Variants in NCALD observed in about 807,000 individuals in gnomAD.
The protein encoded by NCALD is neurocalcin-delta.
NCALD carries 10 observed loss-of-function variants against 18.6 expected under a neutral mutation model. The observed-to-expected ratio is 0.54, with a 90% CI of 0.33 to 0.91. The LOEUF is 0.91. NCALD is among the 40% of genes least tolerant of loss of function. The pLI is 0.03. For missense variants in NCALD, 184 were observed against 247.6 expected (o/e 0.74, Z 1.72); for synonymous variants, 88 against 87.4 (o/e 1.01, Z -0.04).
chr8:101,963,687 A>T (rs1819917612), intron 2 of NCALD, among the ~76,000 whole-genome samples: 1 of 152,182 alleles, frequency 6.6e-6, no homozygotes, highest in African/African-American at 2.4e-5. Flanking sequence ...CCTACAACTG[A>T]AAAACAAACC....
At chr8:101,706,268 G>C (rs928843928) in intron 2 of NCALD, among the ~76,000 whole-genome samples, 1 of 151,882 alleles carries the variant, frequency 6.6e-6, no homozygotes, top group Non-Finnish European at 1.5e-5. Context: ...TGGTGGAGGA[G>C]TGCCAAAGAT....
chr8:101,917,066 A>T (rs2131630049), intron 2 of NCALD, among the ~76,000 whole-genome samples: 1 of 152,242 alleles, frequency 6.6e-6, no homozygotes, highest in Middle Eastern at 3.4e-3. Flanking sequence ...CTGCACATGA[A>T]ACATACTCTA....
intron 2 of NCALD, among the ~76,000 whole-genome samples, chr8:101,948,203 GC>G (rs1819252608): frequency 6.6e-6 from 1 of 152,204 alleles, no homozygotes; most frequent in African/African-American, 2.4e-5. Context: ...ATAAGAGATG[GC>G]CCTGGCCTGG....
intron 1 of NCALD, among the ~76,000 whole-genome samples, chr8:102,040,620 G>A (rs1823019470): frequency 6.6e-6 from 1 of 152,156 alleles, no homozygotes; most frequent in Non-Finnish European, 1.5e-5. Flanking sequence ...TAGAATGGGG[G>A]AAAACAGGCA....
intron 4 of NCALD, among the ~76,000 whole-genome samples, chr8:101,826,972 T>A (rs1351171200): frequency 6.6e-6 from 1 of 152,240 alleles, no homozygotes; most frequent in Non-Finnish European, 1.5e-5. Context: ...ATTTGTTTCC[T>A]GTGGCTGCTG....
chr8:102,021,516 A>C (rs1236251192), intron 1 of NCALD, among the ~76,000 whole-genome samples: 1 of 152,222 alleles, frequency 6.6e-6, no homozygotes, highest in Non-Finnish European at 1.5e-5. Context: ...TAAAGGTATA[A>C]GTGAAATAAA....
rs553010708 is a variant in NCALD, at chr8:101,784,362, T to C, written c.-20+6500A>G. On this transcript the variant is annotated intron_variant, in intron 1 of 3. Transcript: ENST00000220931. ...AAAAGAATAGCAAGAGAGAAAAAAA[T>C]TGTATTCTTTTTATGATCTATCCTT... 6.9e-4 allele frequency among the ~76,000 whole-genome samples: 105 copies of C among 152,100 alleles called. 1 individual carries two copies. Among genetic ancestry groups the C allele is most frequent in the Non-Finnish European group, 1.5e-4 (10 of 67,974 alleles).
In NCALD at chr8:101,739,253, C is replaced by G. The variant is rs528416040; in HGVS notation, c.-19-19605G>C. 2.0e-5 allele frequency among the ~76,000 whole-genome samples: 3 copies of G among 152,218 alleles called. No individual in the cohort carries two copies. The South Asian group carries it at 6.2e-4, about 32-fold the overall frequency. On this transcript the variant is annotated intron_variant, in intron 1 of 3. Coordinates refer to ENST00000220931, the MANE Select transcript of NCALD (RefSeq NM_032041.3). ...TCCTTCAGGTCTACCCCAGTCTCCC[C>G]TTCTCAGTAGTGTCCTCTCTTACCC...
At chr8:101,828,332 C>T (rs1038778276) in intron 4 of NCALD, among the ~76,000 whole-genome samples, 1 of 152,134 alleles carries the variant, frequency 6.6e-6, no homozygotes, top group Non-Finnish European at 1.5e-5. Flanking sequence ...CGATTACTAC[C>T]CCGATTCAAT....
intron 2 of NCALD, among the ~76,000 whole-genome samples, chr8:101,952,374 C>T (rs1223275436): frequency 6.6e-6 from 1 of 152,208 alleles, no homozygotes; most frequent in African/African-American, 2.4e-5. Flanking sequence ...TTCCTGATTC[C>T]AGCACCTCCT....
intron 2 of NCALD, among the ~76,000 whole-genome samples, chr8:101,959,617 C>T (rs1819762674): frequency 6.6e-6 from 1 of 152,048 alleles, no homozygotes; most frequent in Non-Finnish European, 1.5e-5. Context: ...CCAGATTTAG[C>T]CAGTGGGAGG....
At chr8:102,114,883 T>C (rs544947937) in intron 1 of NCALD, among the ~76,000 whole-genome samples, 50 of 152,154 alleles carry the variant, frequency 3.3e-4, no homozygotes, top group Non-Finnish European at 5.4e-4. Context: ...AGAGCTGTGC[T>C]CCAACCAAGG....
chr8:101,891,603 G>T (rs990292847), intron 3 of NCALD, among the ~76,000 whole-genome samples: 2 of 152,220 alleles, frequency 1.3e-5, no homozygotes, highest in Non-Finnish European at 2.9e-5. Context: ...CTGAGGTATC[G>T]GGTTCATCTC....
chr8:101,865,177 A>G (rs1474206946), intron 4 of NCALD, among the ~76,000 whole-genome samples: 1 of 151,990 alleles, frequency 6.6e-6, no homozygotes, highest in Admixed American at 6.6e-5. Context: ...AATGATGAAA[A>G]CTCACGTTTC....
chr8:102,089,840 T>G (rs1483928856), intron 1 of NCALD, among the ~76,000 whole-genome samples: 1 of 152,250 alleles, frequency 6.6e-6, no homozygotes, highest in Non-Finnish European at 1.5e-5. Flanking sequence ...AAATTCTGTG[T>G]GTAGCTACAG....
chr8:101,827,541 T>G (rs1298813899), intron 4 of NCALD, among the ~76,000 whole-genome samples: 1 of 152,218 alleles, frequency 6.6e-6, no homozygotes, highest in African/African-American at 2.4e-5. Context: ...AGCTAGAGAC[T>G]TCTCAAAGAT....
chr8:101,867,400 C>A (rs1286910814), intron 4 of NCALD, among the ~76,000 whole-genome samples: 1 of 152,194 alleles, frequency 6.6e-6, no homozygotes, highest in Non-Finnish European at 1.5e-5. Flanking sequence ...TAGCACAGTG[C>A]CTGGTGCACA....
intron 2 of NCALD, among the ~76,000 whole-genome samples, chr8:101,977,180 A>G (rs1238905267): frequency 6.6e-6 from 1 of 151,964 alleles, no homozygotes; most frequent in Non-Finnish European, 1.5e-5. Context: ...AAAGATGGAA[A>G]GGAGAAATAA....
chr8:101,907,098 CA>C (rs1377575623), intron 3 of NCALD, among the ~76,000 whole-genome samples: 5 of 152,086 alleles, frequency 3.3e-5, no homozygotes, highest in African/African-American at 4.8e-5. Flanking sequence ...GGATGTTTTG[CA>C]TTTGATTTTT....
Sources: allele counts gnomAD v4.1 joint callset (sites outside exome capture counted in the v4.1 genomes callset), GRCh38; gene constraint gnomAD v4.1.1; transcripts MANE v1.5; gene names NCBI Gene and HGNC (gene_info 2026-07-23, HGNC 2026-07-21).